Variants in PTPRM observed in about 807,000 individuals in gnomAD.
PTPRM encodes protein tyrosine phosphatase receptor type M.
A neutral mutation model predicts 186.7 loss-of-function variants in PTPRM; 47 were observed. The ratio of observed to expected loss-of-function variants is 0.25; its 90% confidence interval spans 0.20 to 0.32. The LOEUF (loss-of-function observed/expected upper bound fraction) is 0.32. Ranked by LOEUF, PTPRM falls within the 10% of genes least tolerant of loss-of-function variation. The pLI is 1.00. For synonymous variants in PTPRM, 668 were observed against 674.9 expected (o/e 0.99, Z 0.16); for missense variants, 1,494 against 1,865.0 (o/e 0.80, Z 3.66).
chr18:7,581,079 C>T (rs1315098141), intron 1 of PTPRM, among the ~76,000 whole-genome samples: 2 of 152,146 alleles, frequency 1.3e-5, no homozygotes, highest in East Asian at 3.8e-4. Context: ...GTTAGAAAGC[C>T]AGATTCAAAT....
chr18:7,609,962 G>T (rs1174967180), intron 1 of PTPRM, among the ~76,000 whole-genome samples: 1 of 152,154 alleles, frequency 6.6e-6, no homozygotes, highest in East Asian at 1.9e-4. Context: ...CTAAACAAAT[G>T]ACTTACACTA....
chr18:8,391,228 C>A, intron 31 of PTPRM, among the ~76,000 whole-genome samples: 1 of 152,136 alleles, frequency 6.6e-6, no homozygotes, highest in East Asian at 1.9e-4. Context: ...TAAACATATA[C>A]GCAGTCTGAG....
chr18:7,958,281 G>A (rs2053446801), intron 7 of PTPRM, among the ~76,000 whole-genome samples: 1 of 151,706 alleles, frequency 6.6e-6, no homozygotes, highest in Non-Finnish European at 1.5e-5. Flanking sequence ...ATTGAAGGAG[G>A]TGATAGCCTT....
intron 2 of PTPRM, among the ~76,000 whole-genome samples, chr18:7,860,542 C>T (rs563957840): frequency 4.6e-5 from 7 of 152,312 alleles, no homozygotes; most frequent in Non-Finnish European, 8.8e-5. Flanking sequence ...GGGAAACCCA[C>T]CTGCTGAAGT....
intron 31 of PTPRM, among the ~76,000 whole-genome samples, chr18:8,391,062 T>A (rs1412221386): frequency 1.3e-5 from 2 of 152,174 alleles, no homozygotes; most frequent in African/African-American, 2.4e-5. Flanking sequence ...CACATGCCAC[T>A]GTGTACTCAC....
chr18:8,064,335 C>G (rs2088879163), intron 7 of PTPRM, among the ~76,000 whole-genome samples: 2 of 151,508 alleles, frequency 1.3e-5, no homozygotes, highest in Non-Finnish European at 2.9e-5. Context: ...TTTGTGTAGA[C>G]TTTGGCATTG....
At position 7,567,524 on chromosome 18, in the gene PTPRM, C is replaced by G. The variant is rs1008371409; in HGVS notation, c.-295C>G. The G allele has an allele frequency of 4.5e-5, 14 of 308,730 alleles. No homozygotes were observed. Among genetic ancestry groups the G allele is most frequent in the African/African-American group, 2.8e-4 (13 of 45,816 alleles). The allele number at this position is 308,730 out of a possible 1,614,324, so 19.1% of individuals were successfully genotyped here. ...AGGGGAGAGGCGGCGAGCTCAGCAA[C>G]CGGAACCGAGGGAAGATTTTGGCTC... On this transcript the variant is annotated 5_prime_UTR_variant, in exon 1 of 33. Coordinates refer to ENST00000580170, the MANE Select transcript of PTPRM (RefSeq NM_001105244.2). The surrounding 1 kb of genome is among the most constrained non-coding windows in gnomAD (Gnocchi z 4.3).
intron 1 of PTPRM, among the ~76,000 whole-genome samples, chr18:7,691,334 T>TA (rs756662948): frequency 3.3e-5 from 5 of 152,156 alleles, no homozygotes; most frequent in African/African-American, 7.2e-5. Context: ...AAATCTCTGT[T>TA]AAACTAGCCC....
rs566251010 is a variant in PTPRM at position 7,795,525 on chromosome 18, C to T, written c.196+21254C>T. Reference sequence around the variant, plus strand: ...CCCAGAGAAGCCACTTTGAGACTTTCGTAAACTCTTTGTTATGTCTTTGTT... The same window carrying T: ...CCCAGAGAAGCCACTTTGAGACTTTTGTAAACTCTTTGTTATGTCTTTGTT... On this transcript the variant is annotated intron_variant, in intron 2 of 32. Coordinates refer to ENST00000580170, the MANE Select transcript of PTPRM (RefSeq NM_001105244.2). Among the ~76,000 whole-genome samples the T allele has an allele frequency of 1.6e-3, 240 of 150,348 alleles. 1 individual carries two copies. Among genetic ancestry groups the T allele is most frequent in the African/African-American group, 5.5e-3 (225 of 40,992 alleles).
At chr18:7,856,755 A>T (rs1305232508) in intron 2 of PTPRM, among the ~76,000 whole-genome samples, 1 of 151,510 alleles carries the variant, frequency 6.6e-6, no homozygotes, top group Non-Finnish European at 1.5e-5. Context: ...AAAAAAAAAA[A>T]AGTCATCAAG....
intron 19 of PTPRM, among the ~76,000 whole-genome samples, chr18:8,272,395 CT>C (rs2094783725): frequency 1.3e-5 from 2 of 151,722 alleles, no homozygotes; most frequent in African/African-American, 4.8e-5. Flanking sequence ...AACTTGCCCT[CT>C]TTTTTTCAAA....
intron 14 of PTPRM, among the ~76,000 whole-genome samples, chr18:8,213,561 C>G (rs2094036337): frequency 6.6e-6 from 1 of 152,190 alleles, no homozygotes; most frequent in Non-Finnish European, 1.5e-5. Flanking sequence ...TTCACACCCA[C>G]AGAGGGCTTC....
chr18:7,601,917 G>T (rs1356765235), intron 1 of PTPRM, among the ~76,000 whole-genome samples: 1 of 152,166 alleles, frequency 6.6e-6, no homozygotes, highest in Non-Finnish European at 1.5e-5. Context: ...ATATTTAGGG[G>T]AGAGAGAATA....
intron 26 of PTPRM, 133 bp downstream of exon 26, chr18:8,376,730 C>CG: frequency 9.1e-7 from 1 of 1,103,966 alleles, no homozygotes; most frequent in Non-Finnish European, 1.2e-6. Context: ...TTCCCTGTTC[C>CG]TTCCCTCCCT....
intron 1 of PTPRM, among the ~76,000 whole-genome samples, chr18:7,738,704 G>A (rs1784625): frequency 0.091 from 13,836 of 151,834 alleles, 850 homozygotes; most frequent in African/African-American, 0.17. Flanking sequence ...GCCTCCCAAA[G>A]TGCTGGGATT....
intron 2 of PTPRM, among the ~76,000 whole-genome samples, chr18:7,789,573 C>A (rs2043241326): frequency 6.6e-6 from 1 of 152,142 alleles, no homozygotes; most frequent in African/African-American, 2.4e-5. Context: ...GCCTGGGACT[C>A]ACTTAAGAAA....
At chr18:8,285,537 T>C (rs2094947031) in intron 19 of PTPRM, among the ~76,000 whole-genome samples, 1 of 152,226 alleles carries the variant, frequency 6.6e-6, no homozygotes, top group Admixed American at 6.5e-5. Flanking sequence ...ATACTTTTGA[T>C]TCGCCAGGGA....
At chr18:7,815,832 T>C (rs1251727930) in intron 2 of PTPRM, 1 of 152,124 alleles carries the variant, frequency 6.6e-6, no homozygotes, top group African/African-American at 2.4e-5. Context: ...GGACAGCAAA[T>C]CAATAAAGAA....
intron 14 of PTPRM, among the ~76,000 whole-genome samples, chr18:8,233,670 AT>A (rs561315865): frequency 2.0e-5 from 3 of 148,924 alleles, no homozygotes; most frequent in Admixed American, 6.6e-5. Context: ...CTATCTTATC[AT>A]TTTTTTTCAT....
Sources: gnomAD v4.1 joint callset for allele counts (sites outside exome capture counted in the v4.1 genomes callset) on GRCh38, gnomAD v4.1.1 for gene constraint, Gnocchi (gnomAD v3.1) non-coding constraint, MANE v1.5 for transcripts, NCBI Gene and HGNC (gene_info 2026-07-23, HGNC 2026-07-21) for gene names.